The following TTC39C variants were observed in gnomAD, a reference collection of about 807,000 sequenced individuals.
TTC39C encodes the protein tetratricopeptide repeat domain 39C.
Under a neutral mutation model 76.3 loss-of-function variants are expected in TTC39C, and 33 were observed. That is an observed-to-expected ratio of 0.43 (90% CI 0.33 to 0.58). The LOEUF is 0.58. TTC39C is among the 20% of genes least tolerant of loss of function. The probability of loss-of-function intolerance (pLI) is 0.04; values close to 1 mark genes in which losing one functional copy is unlikely to be tolerated. For missense variants in TTC39C, 595 were observed against 701.4 expected (o/e 0.85, Z 1.71); for synonymous variants, 254 against 260.6 (o/e 0.97, Z 0.24).
intron 6 of TTC39C, chr18:24,114,179 C>T (rs570338111): frequency 2.2e-4 from 58 of 258,650 alleles, no homozygotes; most frequent in South Asian, 4.3e-4. Context: ...AAATCCAACA[C>T]GTCCTACTGT....
chr18:24,040,156 G>A (rs1485989272), intron 1 of TTC39C, among the ~76,000 whole-genome samples: 1 of 152,184 alleles, frequency 6.6e-6, no homozygotes, highest in Admixed American at 6.5e-5. Flanking sequence ...TATAATTTAA[G>A]AAGTCAGTTA....
intron 3 of TTC39C, among the ~76,000 whole-genome samples, chr18:24,067,302 C>T (rs960764567): frequency 2.0e-5 from 3 of 152,212 alleles, no homozygotes; most frequent in Non-Finnish European, 4.4e-5. Context: ...TCATCAACTA[C>T]TCTCCATCCT....
chr18:23,993,509 T>G (rs1475537896), intron 1 of TTC39C, among the ~76,000 whole-genome samples: 1 of 152,236 alleles, frequency 6.6e-6, no homozygotes, highest in Non-Finnish European at 1.5e-5. Context: ...CCCTCACTTA[T>G]AGATCTTGTA....
chr18:24,100,240 T>C (rs1440177468), intron 6 of TTC39C, among the ~76,000 whole-genome samples: 2 of 152,238 alleles, frequency 1.3e-5, no homozygotes, highest in Non-Finnish European at 2.9e-5. Flanking sequence ...ATTATGATTA[T>C]GATTCATCTT....
chr18:24,008,296 G>C (rs997569008), intron 1 of TTC39C, among the ~76,000 whole-genome samples: 10 of 152,176 alleles, frequency 6.6e-5, no homozygotes, highest in Admixed American at 3.9e-4. Context: ...TGCCAATACT[G>C]CTGCTGCTTC....
At chr18:24,120,553 G>A (rs1159115725) in intron 8 of TTC39C, among the ~76,000 whole-genome samples, 1 of 152,144 alleles carries the variant, frequency 6.6e-6, no homozygotes, top group Non-Finnish European at 1.5e-5. Context: ...AAAATATGTA[G>A]CATCATTTAC....
At chr18:23,997,551 C>CAAAAA (rs71163650) in intron 1 of TTC39C, among the ~76,000 whole-genome samples, 8 of 52,168 alleles carry the variant, frequency 1.5e-4, no homozygotes, top group African/African-American at 6.7e-4. Context: ...GTCTCTGTCT[C>CAAAAA]AAAAAAAAAA....
chr18:24,107,805 G>A (rs1481525601), intron 6 of TTC39C, among the ~76,000 whole-genome samples: 2 of 152,216 alleles, frequency 1.3e-5, no homozygotes, highest in Admixed American at 6.5e-5. Context: ...CCACCCAGGC[G>A]GGAGTGCAGT....
chr18:24,063,268 G>C (rs531388834), intron 1 of TTC39C, among the ~76,000 whole-genome samples: 3 of 152,184 alleles, frequency 2.0e-5, no homozygotes, highest in South Asian at 2.1e-4. Flanking sequence ...TACAAGGGGG[G>C]AATGGCTGAC....
At chr18:24,107,581 C>T (rs954223870) in intron 6 of TTC39C, among the ~76,000 whole-genome samples, 36 of 152,290 alleles carry the variant, frequency 2.4e-4, no homozygotes, top group African/African-American at 8.2e-4. Context: ...CTTTGCTCTG[C>T]ACTTCTCTTG....
intron 1 of TTC39C, among the ~76,000 whole-genome samples, chr18:24,036,868 AG>A (rs2083738803): frequency 1.3e-5 from 2 of 152,138 alleles, no homozygotes; most frequent in Admixed American, 1.3e-4. Flanking sequence ...CCTGGGCTCA[AG>A]CCATCTGTCC....
chr18:24,021,754 A>G (rs376321990), intron 1 of TTC39C, among the ~76,000 whole-genome samples: 1 of 151,972 alleles, frequency 6.6e-6, no homozygotes, highest in Admixed American at 6.5e-5. Context: ...CTTCTTGCTC[A>G]ATAATTTCAG....
upstream of TTC39C, among the ~76,000 whole-genome samples, chr18:24,012,140 A>T (rs1479416416): frequency 6.6e-6 from 1 of 151,078 alleles, no homozygotes; most frequent in East Asian, 1.9e-4. Flanking sequence ...TTACTAGTCC[A>T]CGTGTTCTCT....
intron 1 of TTC39C, among the ~76,000 whole-genome samples, chr18:24,032,401 A>G (rs1298789124): frequency 1.3e-5 from 2 of 152,076 alleles, no homozygotes; most frequent in African/African-American, 4.8e-5. Flanking sequence ...CATTTTTTTC[A>G]TATGAAGATT....
At chr18:24,064,063 A>G in intron 1 of TTC39C, 77 bp from the exon 2 acceptor site, 1 of 1,580,816 alleles carries the variant, frequency 6.3e-7, no homozygotes, top group South Asian at 1.1e-5. Flanking sequence ...TAATCATGAT[A>G]TGTCAAATGC....
intron 8 of TTC39C, among the ~76,000 whole-genome samples, chr18:24,123,389 G>T (rs145410288): frequency 0.13 from 3,398 of 27,144 alleles, 124 homozygotes; most frequent in African/African-American, 0.14. Flanking sequence ...TCTTTTTTTT[G>T]TTTGTTTGTT....
At chr18:24,045,322 A>G (rs1306501742) in intron 1 of TTC39C, among the ~76,000 whole-genome samples, 2 of 151,418 alleles carry the variant, frequency 1.3e-5, no homozygotes, top group South Asian at 4.2e-4. Flanking sequence ...CTGAGTGAGA[A>G]TCTGCATTGT....
At position 24,024,300 on chromosome 18, in the gene TTC39C, C is replaced by T. The variant is rs1236940408; in HGVS notation, c.167+9262C>T. ...TGCTGGGATTACAGGCATGAGCCAC[C>T]GCGCCTGGCCTACATATATTTTTAA... On this transcript the variant is annotated intron_variant, in intron 1 of 13. Transcript: ENST00000317571. Among the ~76,000 whole-genome samples the T allele has an allele frequency of 2.6e-5, 4 of 151,480 alleles. No homozygotes were observed. The East Asian group carries it at 5.9e-4, about 22-fold the overall frequency.
chr18:24,031,015 C>T (rs192204553), intron 1 of TTC39C, among the ~76,000 whole-genome samples: 74 of 151,864 alleles, frequency 4.9e-4, no homozygotes, highest in African/African-American at 1.4e-3. Flanking sequence ...AGTGCGATCT[C>T]GGCAACTTGC....
Sources: allele counts gnomAD v4.1 joint callset (sites outside exome capture counted in the v4.1 genomes callset), GRCh38; gene constraint gnomAD v4.1.1; transcripts MANE v1.5; gene names NCBI Gene and HGNC (gene_info 2026-07-23, HGNC 2026-07-21).